The following MED27 variants were observed in gnomAD, a reference collection of about 807,000 sequenced individuals.
MED27 encodes the protein mediator of RNA polymerase II transcription subunit 27.
Under a neutral mutation model 38.2 loss-of-function variants are expected in MED27, and 30 were observed. The observed-to-expected ratio is 0.79, with a 90% CI of 0.59 to 1.07. MED27 has a LOEUF of 1.07. MED27 is among the 50% of genes least tolerant of loss of function. The pLI is 0.00. For synonymous variants in MED27, 122 were observed against 153.5 expected (o/e 0.79, Z 1.52); for missense variants, 289 against 397.5 (o/e 0.73, Z 2.32).
chr9:131,937,756 AG>A (rs1340446093), intron 4 of MED27, among the ~76,000 whole-genome samples: 3 of 152,014 alleles, frequency 2.0e-5, no homozygotes, highest in African/African-American at 7.3e-5. Context: ...TGCTGAGAGC[AG>A]GGTTTATGTT....
chr9:132,066,579 C>T (rs531612398), intron 2 of MED27, among the ~76,000 whole-genome samples: 142 of 152,320 alleles, frequency 9.3e-4, no homozygotes, highest in Non-Finnish European at 7.6e-4. Flanking sequence ...AGAAGCTGAG[C>T]CAAGACCCTG....
chr9:131,990,901 G>A (rs988745629), intron 3 of MED27, among the ~76,000 whole-genome samples: 12 of 152,182 alleles, frequency 7.9e-5, no homozygotes, highest in Non-Finnish European at 1.0e-4. Context: ...GATATGCAAC[G>A]GGAAATCCAT....
intron 4 of MED27, among the ~76,000 whole-genome samples, chr9:131,897,753 T>C (rs963575669): frequency 2.6e-5 from 4 of 152,216 alleles, no homozygotes; most frequent in African/African-American, 9.6e-5. Flanking sequence ...TGTTTTTAAA[T>C]CTTCCATAAT....
At chr9:132,041,617 C>T (rs1304664385) in intron 2 of MED27, among the ~76,000 whole-genome samples, 2 of 152,184 alleles carry the variant, frequency 1.3e-5, no homozygotes, top group Non-Finnish European at 2.9e-5. Flanking sequence ...TGTGTTGTGA[C>T]AAAGCTCGAC....
intron 3 of MED27, among the ~76,000 whole-genome samples, chr9:131,939,987 A>G (rs1045760561): frequency 1.3e-5 from 2 of 149,344 alleles, no homozygotes; most frequent in Admixed American, 1.3e-4. Flanking sequence ...GCTCACTGCA[A>G]CCTCTGCCTC....
At chr9:131,974,691 A>C (rs909862322) in intron 3 of MED27, among the ~76,000 whole-genome samples, 1 of 152,230 alleles carries the variant, frequency 6.6e-6, no homozygotes, top group Non-Finnish European at 1.5e-5. Flanking sequence ...CATTTGCCTG[A>C]AATGTGGAAC....
chr9:132,074,545 A>G (rs1370057757), intron 2 of MED27, among the ~76,000 whole-genome samples: 1 of 152,202 alleles, frequency 6.6e-6, no homozygotes, highest in Non-Finnish European at 1.5e-5. Flanking sequence ...AAACTCTTTG[A>G]GGGTAAAATG....
intron 2 of MED27, among the ~76,000 whole-genome samples, chr9:132,016,528 G>A (rs184477964): frequency 1.8e-3 from 271 of 152,280 alleles, no homozygotes; most frequent in Admixed American, 4.4e-3. Flanking sequence ...ATCAATGGAG[G>A]CAAGGGACAG....
chr9:132,040,580 G>A (rs966303553), intron 2 of MED27, among the ~76,000 whole-genome samples: 3 of 152,216 alleles, frequency 2.0e-5, no homozygotes, highest in Non-Finnish European at 4.4e-5. Context: ...AAGGCAGCAT[G>A]TTTACTTTTA....
chr9:131,949,927 T>G (rs1429782594), intron 3 of MED27, among the ~76,000 whole-genome samples: 6 of 152,066 alleles, frequency 3.9e-5, no homozygotes, highest in Non-Finnish European at 7.4e-5. Flanking sequence ...AGTGAAACAG[T>G]GAATACTTGC....
intron 3 of MED27, among the ~76,000 whole-genome samples, chr9:131,972,714 T>C (rs1430786072): frequency 6.6e-6 from 1 of 152,160 alleles, no homozygotes; most frequent in Non-Finnish European, 1.5e-5. Flanking sequence ...GTAACATTCA[T>C]GGAAAAGAAC....
chr9:131,901,683 C>T (rs1829950810), intron 4 of MED27, among the ~76,000 whole-genome samples: 1 of 152,208 alleles, frequency 6.6e-6, no homozygotes, highest in African/African-American at 2.4e-5. Context: ...AAATGGGAAT[C>T]TCCTCCAAGA....
At chr9:131,926,631 C>CTCAGTGGAGT (rs1439054592) in intron 4 of MED27, among the ~76,000 whole-genome samples, 7 of 152,228 alleles carry the variant, frequency 4.6e-5, no homozygotes, top group Non-Finnish European at 1.0e-4. Context: ...CACTATTGAA[C>CTCAGTGGAGT]TCAGTGGAGA....
At chr9:131,980,662 C>T (rs1481107888) in intron 3 of MED27, among the ~76,000 whole-genome samples, 1 of 151,976 alleles carries the variant, frequency 6.6e-6, no homozygotes, top group Non-Finnish European at 1.5e-5. Context: ...ATGGATTCTG[C>T]CCTTCTTGAA....
At chr9:132,069,243 G>A (rs1448556199) in intron 2 of MED27, among the ~76,000 whole-genome samples, 1 of 152,148 alleles carries the variant, frequency 6.6e-6, no homozygotes, top group Non-Finnish European at 1.5e-5. Flanking sequence ...GTTGACACAC[G>A]TCCAGCAGCC....
intron 2 of MED27, among the ~76,000 whole-genome samples, chr9:132,052,477 T>C (rs1833484120): frequency 6.6e-6 from 1 of 151,880 alleles, no homozygotes; most frequent in Non-Finnish European, 1.5e-5. Context: ...GGAAAAAAAA[T>C]CTCTCTGCAG....
intron 2 of MED27, among the ~76,000 whole-genome samples, chr9:132,033,888 A>G (rs138870000): frequency 3.2e-4 from 48 of 152,372 alleles, no homozygotes; most frequent in African/African-American, 1.1e-3. Flanking sequence ...TGAAAGTTCA[A>G]CCATAATGTA....
intron 3 of MED27, among the ~76,000 whole-genome samples, chr9:131,965,578 G>A (rs563042320): frequency 1.3e-5 from 2 of 152,186 alleles, no homozygotes; most frequent in Non-Finnish European, 2.9e-5. Context: ...CAGTGATGCT[G>A]GATCTGTTGC....
At chr9:131,891,373 G>A (rs1376546904) in intron 5 of MED27, among the ~76,000 whole-genome samples, 1 of 152,240 alleles carries the variant, frequency 6.6e-6, no homozygotes, top group Non-Finnish European at 1.5e-5. Flanking sequence ...GAGGAGTCTG[G>A]ATTTTATGCT....
Sources: allele counts gnomAD v4.1 joint callset (sites outside exome capture counted in the v4.1 genomes callset), GRCh38; gene constraint gnomAD v4.1.1; transcripts MANE v1.5; gene names NCBI Gene and HGNC (gene_info 2026-07-23, HGNC 2026-07-21).